Variants in NFIB observed in about 807,000 individuals in gnomAD.
The protein encoded by NFIB is nuclear factor 1 B-type.
In NFIB, 11 loss-of-function variants were observed where a neutral mutation model predicts 61.5. The observed-to-expected ratio is 0.18, with a 90% CI of 0.11 to 0.30. NFIB has a LOEUF of 0.30. NFIB is among the 10% of genes least tolerant of loss of function. The pLI is 1.00. For missense variants in NFIB, 471 were observed against 608.9 expected (o/e 0.77, Z 2.38); for synonymous variants, 260 against 216.5 (o/e 1.20, Z -1.76).
chr9:14,486,697 A>ACC, the NFIB span, among the ~76,000 whole-genome samples: 1 of 34,790 alleles, frequency 2.9e-5, no homozygotes, highest in Non-Finnish European at 7.1e-5. Flanking sequence ...GCATGTAAAT[A>ACC]CACACACACA....
At chr9:14,163,877 A>G (rs1302267916) in intron 3 of NFIB, among the ~76,000 whole-genome samples, 1 of 151,982 alleles carries the variant, frequency 6.6e-6, no homozygotes, top group African/African-American at 2.4e-5. Context: ...TTTGGCAAAT[A>G]AAAGTAAATA....
intron 1 of NFIB, among the ~76,000 whole-genome samples, chr9:14,341,784 C>G (rs918716197): frequency 2.6e-5 from 4 of 152,116 alleles, no homozygotes; most frequent in African/African-American, 9.7e-5. Context: ...CAACCTGGTT[C>G]TGCTTCTGGG....
At position 14,083,070 on chromosome 9, in the gene NFIB, T is replaced by C. The variant is rs1456462580; in HGVS notation, c.*5239A>G. On this transcript the variant is annotated 3_prime_UTR_variant, in exon 11 of 11. Coordinates refer to ENST00000380953, the MANE Select transcript of NFIB (RefSeq NM_001190737.2). ...TTGCAACACACAGATATTTCTAGAGTATTAACTAGTGAACCCTTTTATTAT... is the reference window on the plus strand; with the variant it reads ...TTGCAACACACAGATATTTCTAGAGCATTAACTAGTGAACCCTTTTATTAT... 1 of 201,556 alleles carries C rather than the reference T, an allele frequency of 5.0e-6. No homozygotes were observed. Among genetic ancestry groups the C allele is most frequent in the Admixed American group, 6.4e-5 (1 of 15,512 alleles). The allele number at this position is 201,556 out of a possible 1,614,324, so 12.5% of individuals were successfully genotyped here. A position where few individuals can be genotyped will look rare whatever the true frequency, so the allele number is the denominator to read the frequency against.
chr9:14,291,842 C>T (rs2059124403), intron 2 of NFIB, among the ~76,000 whole-genome samples: 1 of 151,460 alleles, frequency 6.6e-6, no homozygotes, highest in Non-Finnish European at 1.5e-5. Flanking sequence ...TCTCAATCAT[C>T]TTTTCTTATG....
intron 6 of NFIB, among the ~76,000 whole-genome samples, chr9:14,136,436 C>T (rs1250102429): frequency 2.0e-5 from 3 of 152,010 alleles, no homozygotes; most frequent in South Asian, 2.1e-4. Context: ...GAGCCATGGG[C>T]TATAAAATAA....
At chr9:14,478,922 C>T in the NFIB span, among the ~76,000 whole-genome samples, 2 of 152,272 alleles carry the variant, frequency 1.3e-5, no homozygotes, top group East Asian at 1.9e-4. Flanking sequence ...TGTATTCATT[C>T]CCATCACCAG....
intron 1 of NFIB, among the ~76,000 whole-genome samples, chr9:14,354,126 C>A (rs770330973): frequency 1.4e-4 from 22 of 152,178 alleles, no homozygotes; most frequent in Admixed American, 3.9e-4. Context: ...CCTATTTTCT[C>A]AGAGCCTTGC....
Position 14,183,010 on chromosome 9 carries a change from T to C in NFIB, c.563-3230A>G, listed in dbSNP as rs546140003. On this transcript the variant is annotated intron_variant, in intron 2 of 10. Coordinates refer to ENST00000380953, the MANE Select transcript of NFIB (RefSeq NM_001190737.2). ...GCCACATTTAAAATGATTAATATAT[T>C]TAATGGTTTAAACATATTAAAATGA... Among the ~76,000 whole-genome samples, 29 of 152,208 alleles carry C rather than the reference T, an allele frequency of 1.9e-4. 1 individual carries two copies. The South Asian group carries it at 5.6e-3, about 29-fold the overall frequency.
At position 14,083,479 on chromosome 9, in the gene NFIB, TAAAAA is replaced by T. The variant is rs33918801; in HGVS notation, c.*4825_*4829del. 4.0e-4 allele frequency: 54 copies of T among 135,454 alleles called. No homozygotes were observed. The highest frequency in any genetic ancestry group is 2.7e-3 in the Middle Eastern group (1 of 376). The allele number at this position is 135,454 out of a possible 1,614,324, so 8.4% of individuals were successfully genotyped here. On this transcript the variant is annotated 3_prime_UTR_variant, in exon 11 of 11. Coordinates refer to ENST00000380953, the MANE Select transcript of NFIB (RefSeq NM_001190737.2). ...TATTGAACTTGAATAGCCTGCACAT[TAAAAA>T]AAAAAAAAAAAAAAAAGTTTTCTAT...
chr9:14,434,763 G>T, the NFIB span, among the ~76,000 whole-genome samples: 1 of 152,190 alleles, frequency 6.6e-6, no homozygotes, highest in African/African-American at 2.4e-5. Flanking sequence ...ACTTGAAGTA[G>T]TAAGTAGTCT....
At chr9:14,169,596 G>A (rs991183442) in intron 3 of NFIB, among the ~76,000 whole-genome samples, 2 of 152,136 alleles carry the variant, frequency 1.3e-5, no homozygotes, top group South Asian at 2.1e-4. Flanking sequence ...CAGGGTGGGC[G>A]GATCACATGA....
chr9:14,444,517 G>C, the NFIB span, among the ~76,000 whole-genome samples: 2 of 152,270 alleles, frequency 1.3e-5, no homozygotes, highest in East Asian at 1.9e-4. Context: ...TTCTAAATAA[G>C]AGTGAATTAT....
the NFIB span, among the ~76,000 whole-genome samples, chr9:14,466,099 C>A: frequency 1.3e-5 from 2 of 152,120 alleles, no homozygotes; most frequent in Non-Finnish European, 1.5e-5. Context: ...AAGGAACGAT[C>A]CAGTTCCCTG....
intron 6 of NFIB, among the ~76,000 whole-genome samples, chr9:14,131,398 T>G (rs1457009301): frequency 6.6e-6 from 1 of 152,236 alleles, no homozygotes; most frequent in Non-Finnish European, 1.5e-5. Context: ...ATCCTAGGCC[T>G]TGATGTGTTA....
chr9:14,382,100 C>G (rs1488067069), intron 1 of NFIB, among the ~76,000 whole-genome samples: 1 of 152,130 alleles, frequency 6.6e-6, no homozygotes, highest in Non-Finnish European at 1.5e-5. Context: ...AATCTAAGGT[C>G]CCTGAGGGCA....
chr9:14,261,095 T>C (rs1380394871), intron 2 of NFIB, among the ~76,000 whole-genome samples: 4 of 152,152 alleles, frequency 2.6e-5, no homozygotes, highest in African/African-American at 9.7e-5. Context: ...GGCAGGCAGA[T>C]CACCTGATGT....
intron 4 of NFIB, among the ~76,000 whole-genome samples, chr9:14,151,742 A>G (rs1015262882): frequency 1.3e-5 from 2 of 152,096 alleles, no homozygotes; most frequent in Non-Finnish European, 2.9e-5. Context: ...TTGGTGTCAA[A>G]GAACTCCTTA....
chr9:14,425,607 A>ATTTTTTTTTTTTTTTT, the NFIB span, among the ~76,000 whole-genome samples: 1 of 99,052 alleles, frequency 1.0e-5, no homozygotes. Flanking sequence ...TTGCTACATA[A>ATTTTTTTTTTTTTTTT]TTTTTTTTTT....
chr9:14,419,898 T>C, the NFIB span, among the ~76,000 whole-genome samples: 4 of 152,200 alleles, frequency 2.6e-5, no homozygotes, highest in Non-Finnish European at 4.4e-5. Context: ...CCAAAAAGTA[T>C]AGAATTTTGT....
Sources: gnomAD v4.1 joint callset for allele counts (sites outside exome capture counted in the v4.1 genomes callset) on GRCh38, gnomAD v4.1.1 for gene constraint, MANE v1.5 for transcripts, NCBI Gene and HGNC (gene_info 2026-07-23, HGNC 2026-07-21) for gene names.